FAM200A: variants seen among roughly 807,000 people sequenced by gnomAD.
FAM200A encodes the protein protein FAM200A.
A neutral mutation model predicts 44.2 loss-of-function variants in FAM200A; 26 were observed. The ratio of observed to expected loss-of-function variants is 0.59; its 90% CI spans 0.43 to 0.82. FAM200A has a LOEUF of 0.82. Ranked by LOEUF, FAM200A falls within the 40% of genes least tolerant of loss-of-function variation. The probability of loss-of-function intolerance (pLI) is 0.00; values close to 1 mark genes in which losing one functional copy is unlikely to be tolerated. For synonymous variants in FAM200A, 206 were observed against 244.4 expected, an observed-to-expected ratio of 0.84 and a Z score of 1.47; for missense variants, 606 against 669.5, an observed-to-expected ratio of 0.91 and a Z score of 1.05.
chr7:99,555,482 ACT>A (rs1287574803), upstream of FAM200A, among the ~76,000 whole-genome samples: 3 of 151,962 alleles, frequency 2.0e-5, no homozygotes, highest in Non-Finnish European at 4.4e-5. Context: ...ACGAATGCAC[ACT>A]CTTATTGGGG....
At chr7:99,555,588 CTA>C (rs1324658136), upstream of FAM200A, among the ~76,000 whole-genome samples, 1 of 152,174 alleles carries the variant, frequency 6.6e-6, no homozygotes. Flanking sequence ...CTTGGATTTA[CTA>C]TAGAGTGCTC....
upstream of FAM200A, among the ~76,000 whole-genome samples, chr7:99,553,329 G>A (rs888263448): frequency 3.3e-5 from 5 of 151,324 alleles, no homozygotes; most frequent in African/African-American, 7.3e-5. Flanking sequence ...CTCCCCACCC[G>A]TCCCCATTCC....
chr7:99,547,020 G>A lies in FAM200A; in HGVS notation c.1388C>T (p.Ser463Leu), dbSNP rs1584221243. The change falls in exon 2 of 2, where the codon TCA becomes TTA. Residue 463 changes from serine (S) to leucine (L), a missense_variant. Coordinates refer to ENST00000449309, the MANE Select transcript of FAM200A (RefSeq NM_145111.4). Reference sequence around the variant, plus strand: ...AGGCTCCAAGTTTAACTCAATTATTGATTCTGGGTTTTGAAAAGCAAATGG... The same window carrying A: ...AGGCTCCAAGTTTAACTCAATTATTAATTCTGGGTTTTGAAAAGCAAATGG... The part of the protein sequence containing the change: ...KDPFAFQNPE[S>L]IIELNLEPEE... 1.3e-6 allele frequency: 2 copies of A among 1,548,272 alleles called. No individual in the cohort carries two copies. The highest frequency in any genetic ancestry group is 4.9e-5 in the East Asian group (2 of 40,872).
In FAM200A at chr7:99,548,230, C is replaced by T. The variant is rs945848211; in HGVS notation, c.178G>A (p.Ala60Thr). 2.5e-6 allele frequency: 4 copies of T among 1,605,242 alleles called. No homozygotes were observed. In the African/African-American group the frequency reaches 4.0e-5, roughly 16 times the overall value. The change falls in exon 2 of 2, where the codon GCC (alanine) becomes ACC (threonine). Residue 60 changes from alanine (A) to threonine (T), a missense_variant. By Grantham distance (58) the Ala-to-Thr change is moderately conservative. Coordinates refer to ENST00000449309, the MANE Select transcript of FAM200A (RefSeq NM_145111.4). ...GCAACTAAATACGATGACAATAAGG[C>T]TCTCTCATTCATAGTTGTAGAGCGA... The part of the protein sequence containing the change: ...LSRSTTMNER[A>T]LLSSYLVAYR...
rs374498264 is a variant in FAM200A at position 99,548,422 on chromosome 7, G to A, written c.-15C>T. ...TCAGGAGTCATTATTCAGGTTCCAG[G>A]AACTGGCTCACTTGATCCAAATAGG... On this transcript the variant is annotated 5_prime_UTR_variant, in exon 2 of 2. Transcript: ENST00000449309. 1.2e-5 allele frequency: 20 copies of A among 1,607,138 alleles called. No individual in the cohort carries two copies. The African/African-American group carries it at 1.7e-4, about 14-fold the overall frequency.
In FAM200A at chr7:99,546,725, C is replaced by T. The variant is rs1802393994; in HGVS notation, c.1683G>A (p.Trp561Ter). 6 of 1,539,454 alleles carry T rather than the reference C, an allele frequency of 3.9e-6. No homozygotes were observed. Among genetic ancestry groups the T allele is most frequent in the Non-Finnish European group, 5.2e-6 (6 of 1,142,990 alleles). Reference protein sequence around the residue: ...RVALSSCVPDWKELMNRQAHP... With the variant: ...RVALSSCVPD ...GTGCTTGTCTGTTCATAAGTTCCTT[C>T]CAGTCAGGAACACATGAAGATAATG... The change falls in exon 2 of 2, where the codon TGG becomes TGA. Residue 561 changes from tryptophan (W) to a stop codon, truncating the protein, a stop_gained. Coordinates refer to ENST00000449309, the MANE Select transcript of FAM200A (RefSeq NM_145111.4). LOFTEE classifies it high-confidence loss of function.
Position 99,547,777 on chromosome 7 carries a change from TTGAAA to T in FAM200A, c.626_630del (p.Ile209LysfsTer2). 1 of 1,551,674 alleles carries T rather than the reference TTGAAA, an allele frequency of 6.4e-7. No homozygotes were observed. The highest frequency in any genetic ancestry group is 1.2e-5 in the South Asian group (1 of 84,060). ...CCGGTCATATTTGCTGTTCCATCAC[TTGAAA>T]TTCCTTTACAATGTTTCCAGTTTAA... is the stretch of plus-strand genomic sequence containing the variant. On this transcript the variant is annotated frameshift_variant, in exon 2 of 2. Coordinates refer to ENST00000449309, the MANE Select transcript of FAM200A (RefSeq NM_145111.4). LOFTEE classifies it high-confidence loss of function.
At chr7:99,548,634 T>C in intron 1 of FAM200A, 128 bp from the exon 2 acceptor site, 1 of 772,282 alleles carries the variant, frequency 1.3e-6, no homozygotes, top group African/African-American at 1.8e-5. Flanking sequence ...CTGTCATTCA[T>C]GTTGGCTGTG....
intron 1 of FAM200A, among the ~76,000 whole-genome samples, chr7:99,549,739 GT>G (rs1399151380): frequency 1.3e-5 from 2 of 152,208 alleles, no homozygotes; most frequent in Non-Finnish European, 2.9e-5. Flanking sequence ...ATGAGTTTAT[GT>G]CCTTTGTAGG....
chr7:99,553,068 CACATATATATATATAT>C (rs1487031022), upstream of FAM200A, among the ~76,000 whole-genome samples: 4 of 89,360 alleles, frequency 4.5e-5, no homozygotes, highest in African/African-American at 1.6e-4. Context: ...TATATACACA[CACATATATATATATAT>C]ATATATATAT....
intron 1 of FAM200A, among the ~76,000 whole-genome samples, chr7:99,558,132 C>G (rs1802760289): frequency 6.6e-6 from 1 of 152,196 alleles, no homozygotes; most frequent in Non-Finnish European, 1.5e-5. Flanking sequence ...CCCCAAGGAC[C>G]TACTGAGATT....
At chr7:99,554,227 T>C (rs867779011), upstream of FAM200A, among the ~76,000 whole-genome samples, 1 of 152,088 alleles carries the variant, frequency 6.6e-6, no homozygotes, top group Non-Finnish European at 1.5e-5. Flanking sequence ...ACACCTGTAA[T>C]GTCAGCACTT....
intron 1 of FAM200A, among the ~76,000 whole-genome samples, chr7:99,551,232 C>T (rs1360504727): frequency 1.3e-5 from 2 of 152,032 alleles, no homozygotes; most frequent in Non-Finnish European, 2.9e-5. Flanking sequence ...CACTCTCTCT[C>T]TCTGTCTCCC....
Position 99,548,089 on chromosome 7 carries a change from T to A in FAM200A, c.319A>T (p.Thr107Ser). 6.4e-7 allele frequency: 1 copy of A among 1,551,648 alleles called. No homozygotes were observed. The highest frequency in any genetic ancestry group is 1.2e-5 in the South Asian group (1 of 84,056). Residue 107 changes from threonine to serine, a missense_variant, in exon 2 of 2, where the codon ACT becomes TCT. Thr to Ser is a moderately conservative substitution (Grantham distance 58). Transcript: ENST00000449309. Reference sequence around the variant, plus strand: ...ATTGTATTATCACTAAGAGGTATAGTTCTTAGTTTATCAGCTGATTTGTCA... The same window carrying A: ...ATTGTATTATCACTAAGAGGTATAGATCTTAGTTTATCAGCTGATTTGTCA... ...FDDKSADKLR[T>S]IPLSDNTISR...
intron 1 of FAM200A, among the ~76,000 whole-genome samples, chr7:99,550,118 C>T (rs1265713369): frequency 4.0e-5 from 6 of 148,298 alleles, no homozygotes; most frequent in Non-Finnish European, 3.0e-5. Flanking sequence ...GAACCCCCCC[C>T]TTTTTTTTTT....
intron 1 of FAM200A, 53 bp from the exon 2 acceptor site, chr7:99,548,559 G>T: frequency 7.3e-7 from 1 of 1,368,598 alleles, no homozygotes; most frequent in Non-Finnish European, 9.7e-7. Context: ...TGGTATTGCT[G>T]GGCTAACAAC....
chr7:99,555,164 A>G (rs914454070), upstream of FAM200A, among the ~76,000 whole-genome samples: 15 of 152,242 alleles, frequency 9.9e-5, no homozygotes, highest in African/African-American at 3.6e-4. Context: ...ATAGTGGATT[A>G]GGGTGGGTCC....
chr7:99,553,070 C>CACATAT (rs1262148562), upstream of FAM200A, among the ~76,000 whole-genome samples: 312 of 73,984 alleles, frequency 4.2e-3, 2 homozygotes, highest in Middle Eastern at 8.8e-3. Context: ...TATACACACA[C>CACATAT]ATATATATAT....
rs1335474056 is a variant in FAM200A, at chr7:99,548,061, G to C, written c.347C>G (p.Ser116Cys). 3.9e-6 allele frequency: 6 copies of C among 1,551,586 alleles called. No individual in the cohort carries two copies. In the East Asian group the frequency reaches 1.2e-4, roughly 32 times the overall value. The part of the protein sequence containing the change: ...RTIPLSDNTI[S>C]RRICTIAKHL... ...TTTTGCAATCGTACAGATTCGACGA[G>C]ATATTGTATTATCACTAAGAGGTAT... The change falls in exon 2 of 2, where the codon TCT becomes TGT. Residue 116 changes from serine (S) to cysteine (C), a missense_variant. Physicochemically the swap from Ser to Cys is moderately radical, Grantham distance 112. Coordinates refer to ENST00000449309, the MANE Select transcript of FAM200A (RefSeq NM_145111.4).
Sources: allele counts gnomAD v4.1 joint callset (sites outside exome capture counted in the v4.1 genomes callset), GRCh38; gene constraint gnomAD v4.1.1; transcripts MANE v1.5; gene names NCBI Gene and HGNC (gene_info 2026-07-23, HGNC 2026-07-21).